Variants in RGS6 observed in about 807,000 individuals in gnomAD.
RGS6 encodes the protein regulator of G protein signaling 6, also known as regulator of G-protein signaling 6.
Under a neutral mutation model 78.5 loss-of-function variants are expected in RGS6, and 30 were observed. The ratio of observed to expected loss-of-function variants is 0.38; its 90% CI spans 0.29 to 0.52. The LOEUF is 0.52. RGS6 is among the 20% of genes least tolerant of loss of function. The pLI, the probability that RGS6 is intolerant of heterozygous loss-of-function variation, is 0.85. For synonymous variants in RGS6, 206 were observed against 206.0 expected (o/e 1.00, Z 0.00); for missense variants, 495 against 609.7 (o/e 0.81, Z 1.98).
chr14:72,119,036 G>A (rs1218335386), intron 2 of RGS6, among the ~76,000 whole-genome samples: 1 of 152,120 alleles, frequency 6.6e-6, no homozygotes, highest in East Asian at 1.9e-4. Flanking sequence ...GTGTAGTGTT[G>A]TAAGGTTTCC....
chr14:72,606,485 G>A, the RGS6 span, among the ~76,000 whole-genome samples: 3 of 152,040 alleles, frequency 2.0e-5, no homozygotes, highest in Admixed American at 2.0e-4. Context: ...CACTACTGCC[G>A]GGTGTTGAGC....
At chr14:72,076,862 T>A (rs948459382) in intron 2 of RGS6, among the ~76,000 whole-genome samples, 5 of 151,864 alleles carry the variant, frequency 3.3e-5, no homozygotes, top group Non-Finnish European at 5.9e-5. Context: ...ATACTGTCTA[T>A]AAAATTTGGC....
chr14:72,422,460 C>A (rs191602363), intron 3 of RGS6, among the ~76,000 whole-genome samples: 1 of 152,178 alleles, frequency 6.6e-6, no homozygotes, highest in East Asian at 1.9e-4. Context: ...TTGGGGAAAA[C>A]AAATCTAGAG....
intron 2 of RGS6, among the ~76,000 whole-genome samples, chr14:72,007,238 G>A (rs1414079099): frequency 6.6e-6 from 1 of 151,960 alleles, no homozygotes; most frequent in Non-Finnish European, 1.5e-5. Flanking sequence ...AAAGAGCCAG[G>A]ACTTGCTGGT....
chr14:72,151,080 A>G (rs1279162856), intron 2 of RGS6, among the ~76,000 whole-genome samples: 2 of 152,224 alleles, frequency 1.3e-5, no homozygotes, highest in Non-Finnish European at 1.5e-5. Context: ...GTGCCTTCAT[A>G]CAACTACACT....
the RGS6 span, among the ~76,000 whole-genome samples, chr14:72,589,750 G>C: frequency 6.6e-6 from 1 of 152,094 alleles, no homozygotes; most frequent in African/African-American, 2.4e-5. Context: ...GTCCAAAAAA[G>C]ATAAAACTAT....
intron 13 of RGS6, among the ~76,000 whole-genome samples, chr14:72,497,081 A>G (rs531054089): frequency 2.6e-5 from 4 of 152,296 alleles, no homozygotes; most frequent in African/African-American, 7.2e-5. Flanking sequence ...CACAAGTTCA[A>G]TTATTTCATC....
the RGS6 span, among the ~76,000 whole-genome samples, chr14:72,599,533 C>G: frequency 6.7e-6 from 1 of 149,548 alleles, no homozygotes; most frequent in Non-Finnish European, 1.5e-5. Flanking sequence ...CTCAACCTCC[C>G]GAGTAGCTGG....
In RGS6 at chr14:72,107,487, C is replaced by T. The variant is rs139862087; in HGVS notation, c.84+142612C>T. On this transcript the variant is annotated intron_variant, in intron 2 of 17. Coordinates refer to ENST00000553525, the MANE Select transcript of RGS6 (RefSeq NM_001204424.2). ...GCCATTTCTCTGAGAATGCACCCTGCTCCCCCAGTTCTTTTTGATAGGAAA... is the reference window on the plus strand; with the variant it reads ...GCCATTTCTCTGAGAATGCACCCTGTTCCCCCAGTTCTTTTTGATAGGAAA... Among the ~76,000 whole-genome samples the T allele has an allele frequency of 3.4e-3, 512 of 152,214 alleles. 3 individuals carry two copies. Among genetic ancestry groups the T allele is most frequent in the African/African-American group, 0.011 (475 of 41,550 alleles).
rs543950616 is a variant in RGS6 at position 72,073,096 on chromosome 14, C to G, written c.84+108221C>G. On this transcript the variant is annotated intron_variant, in intron 2 of 17. Transcript: ENST00000553525. ...GTTCAAATCCTCCTTCTGCCACTCA[C>G]TAGATGTGTGGCCTTAGTTAAGTTT... is the stretch of plus-strand genomic sequence containing the variant. Among the ~76,000 whole-genome samples, 112 of 152,344 alleles carry G rather than the reference C, an allele frequency of 7.4e-4. 1 individual carries two copies. The highest frequency in any genetic ancestry group is 3.4e-3 in the Middle Eastern group (1 of 294).
At chr14:72,189,846 A>T (rs1282919981) in intron 2 of RGS6, among the ~76,000 whole-genome samples, 2 of 152,160 alleles carry the variant, frequency 1.3e-5, no homozygotes, top group African/African-American at 4.8e-5. Context: ...GGTCTTGAGC[A>T]TCTTTCTGGT....
intron 2 of RGS6, among the ~76,000 whole-genome samples, chr14:72,210,869 G>A (rs1247310771): frequency 1.3e-5 from 2 of 151,388 alleles, no homozygotes; most frequent in Admixed American, 1.3e-4. Flanking sequence ...GCTTCCAAAT[G>A]GTACTCTGTA....
chr14:71,929,701 A>G (rs1008963113), upstream of RGS6, among the ~76,000 whole-genome samples: 1 of 152,166 alleles, frequency 6.6e-6, no homozygotes, highest in Admixed American at 6.5e-5. Flanking sequence ...GCCTGAATCA[A>G]TTATTAAGAT....
chr14:72,500,910 C>G (rs75386658), intron 13 of RGS6, among the ~76,000 whole-genome samples: 1,927 of 152,190 alleles, frequency 0.013, 38 homozygotes, highest in East Asian at 0.071. Flanking sequence ...CTAGTATGTG[C>G]TTTTTTAAAT....
intron 7 of RGS6, among the ~76,000 whole-genome samples, chr14:72,468,682 A>G (rs1405253464): frequency 1.3e-5 from 2 of 152,162 alleles, no homozygotes; most frequent in Non-Finnish European, 2.9e-5. Context: ...ATTATACTGT[A>G]GGTATCTCGG....
At chr14:72,312,620 G>A (rs533989250) in intron 2 of RGS6, among the ~76,000 whole-genome samples, 12 of 152,170 alleles carry the variant, frequency 7.9e-5, no homozygotes, top group Non-Finnish European at 1.3e-4. Flanking sequence ...ATAGTTATGC[G>A]TAGGAGTAAA....
chr14:72,054,688 CT>C (rs749690254), intron 2 of RGS6, among the ~76,000 whole-genome samples: 2 of 152,318 alleles, frequency 1.3e-5, no homozygotes, highest in Admixed American at 6.5e-5. Flanking sequence ...TTTTATACCC[CT>C]ATCTCTGTAA....
intron 1 of RGS6, among the ~76,000 whole-genome samples, chr14:71,951,197 T>C (rs188734571): frequency 6.6e-6 from 1 of 152,204 alleles, no homozygotes; most frequent in African/African-American, 2.4e-5. Flanking sequence ...GAAAATATGG[T>C]AATATACACC....
At chr14:71,930,021 TC>T (rs1183039200), upstream of RGS6, among the ~76,000 whole-genome samples, 2 of 152,220 alleles carry the variant, frequency 1.3e-5, no homozygotes, top group Non-Finnish European at 2.9e-5. Flanking sequence ...GTGGTTCCTT[TC>T]AGTGGAGGAT....
Sources: allele counts gnomAD v4.1 joint callset (sites outside exome capture counted in the v4.1 genomes callset), GRCh38; gene constraint gnomAD v4.1.1; transcripts MANE v1.5; gene names NCBI Gene and HGNC (gene_info 2026-07-23, HGNC 2026-07-21).